ZMYM4: variants seen among roughly 807,000 people sequenced by gnomAD.
ZMYM4 encodes zinc finger MYM-type protein 4.
ZMYM4 carries 31 observed loss-of-function variants against 183.2 expected under a neutral mutation model. The observed-to-expected ratio is 0.17, with a 90% CI of 0.13 to 0.23. ZMYM4 has a LOEUF of 0.23. Among genes scored for constraint, ZMYM4 ranks in the 10% least tolerant of loss-of-function variants. The pLI, the probability that ZMYM4 is intolerant of heterozygous loss-of-function variation, is 1.00. For synonymous variants in ZMYM4, 592 were observed against 631.2 expected (o/e 0.94, Z 0.93); for missense variants, 1,273 against 1,840.3 (o/e 0.69, Z 5.64).
At chr1:35,279,812 A>G (rs1640055915) in intron 1 of ZMYM4, among the ~76,000 whole-genome samples, 1 of 152,112 alleles carries the variant, frequency 6.6e-6, no homozygotes, top group Non-Finnish European at 1.5e-5. Context: ...CCAGTCACAT[A>G]TTCTTTATTT....
At chr1:35,287,100 A>G (rs1640540023) in intron 1 of ZMYM4, among the ~76,000 whole-genome samples, 1 of 151,242 alleles carries the variant, frequency 6.6e-6, no homozygotes, top group African/African-American at 2.4e-5. Flanking sequence ...TCCTTGTTTT[A>G]TGAGATGGCA....
At position 35,387,294 on chromosome 1, in the gene ZMYM4, T is replaced by C; in HGVS notation, c.2112+16T>C. 2 of 1,609,166 alleles carry C rather than the reference T, an allele frequency of 1.2e-6. No individual in the cohort carries two copies. The highest frequency in any genetic ancestry group is 1.7e-6 in the Non-Finnish European group (2 of 1,175,932). ...TGACTATAAGGTAAAGTATAGCATGTTCATGATAAGATTTTGAGTATACGT... is the reference window on the plus strand; with the variant it reads ...TGACTATAAGGTAAAGTATAGCATGCTCATGATAAGATTTTGAGTATACGT... On this transcript the variant is annotated intron_variant, in intron 12 of 29. Transcript: ENST00000314607.
chr1:35,311,397 C>T (rs1428776344), intron 1 of ZMYM4, among the ~76,000 whole-genome samples: 1 of 147,324 alleles, frequency 6.8e-6, no homozygotes, highest in Non-Finnish European at 1.5e-5. Flanking sequence ...ACTCCAGCCT[C>T]GGCAACAAGA....
At chr1:35,294,502 A>G (rs535018710) in intron 1 of ZMYM4, among the ~76,000 whole-genome samples, 4 of 152,306 alleles carry the variant, frequency 2.6e-5, no homozygotes, top group Admixed American at 6.5e-5. Context: ...GTAGGGGAAT[A>G]TAGAACCTTG....
intron 28 of ZMYM4, among the ~76,000 whole-genome samples, chr1:35,417,510 T>C (rs1376846837): frequency 6.6e-6 from 1 of 152,208 alleles, no homozygotes; most frequent in African/African-American, 2.4e-5. Context: ...AGATGCCCAG[T>C]ACTAGTGCCC....
intron 7 of ZMYM4, among the ~76,000 whole-genome samples, chr1:35,371,757 G>A (rs960164712): frequency 2.6e-5 from 4 of 152,170 alleles, no homozygotes; most frequent in Non-Finnish European, 5.9e-5. Context: ...GATAAGAGAT[G>A]TTTAAAAGAA....
chr1:35,394,162 C>CTT (rs34277367), intron 18 of ZMYM4, among the ~76,000 whole-genome samples: 1,863 of 68,488 alleles, frequency 0.027, 222 homozygotes, highest in Non-Finnish European at 0.04. Context: ...TCAGAGCTTT[C>CTT]TTTTTTTTTT....
chr1:35,336,666 A>G (rs938218770), intron 2 of ZMYM4, among the ~76,000 whole-genome samples: 3 of 152,054 alleles, frequency 2.0e-5, no homozygotes, highest in African/African-American at 7.2e-5. Context: ...CAGCCCTCCA[A>G]AATGCTGGGA....
intron 1 of ZMYM4, among the ~76,000 whole-genome samples, chr1:35,307,168 T>G (rs530448820): frequency 8.5e-5 from 13 of 152,214 alleles, no homozygotes; most frequent in Non-Finnish European, 1.6e-4. Context: ...TCTTTAAAAT[T>G]ACTTTCATCT....
Position 35,341,522 on chromosome 1 carries a change from A to G in ZMYM4, c.85+16117A>G, listed in dbSNP as rs567767265. 6.5e-4 allele frequency among the ~76,000 whole-genome samples: 98 copies of G among 151,806 alleles called. 1 individual carries two copies. The highest frequency in any genetic ancestry group is 1.3e-3 in the Non-Finnish European group (86 of 67,904). ...AAATGTAAAAATTTTTATTTTTTAT[A>G]TTGAAAAACTTTTTTCATTTCTAGA... On this transcript the variant is annotated intron_variant, in intron 2 of 29. Coordinates refer to ENST00000314607, the MANE Select transcript of ZMYM4 (RefSeq NM_005095.3).
At chr1:35,382,636 G>A (rs1431889155) in intron 9 of ZMYM4, among the ~76,000 whole-genome samples, 2 of 151,772 alleles carry the variant, frequency 1.3e-5, no homozygotes, top group African/African-American at 4.8e-5. Context: ...TTAGAGATGG[G>A]ATTTCACTAT....
intron 1 of ZMYM4, among the ~76,000 whole-genome samples, chr1:35,321,235 G>A (rs1262285557): frequency 6.6e-6 from 1 of 152,182 alleles, no homozygotes; most frequent in Admixed American, 6.5e-5. Flanking sequence ...CTAGGAAAGA[G>A]CTGTGAATTC....
intron 26 of ZMYM4, among the ~76,000 whole-genome samples, chr1:35,411,291 T>C (rs920374824): frequency 3.3e-5 from 5 of 151,212 alleles, no homozygotes; most frequent in African/African-American, 1.2e-4. Flanking sequence ...GTAGCTGGGA[T>C]TACAGGCGCC....
chr1:35,351,609 CCAAA>C, intron 2 of ZMYM4: 4 of 668,700 alleles, frequency 6.0e-6, no homozygotes, highest in South Asian at 3.8e-5. Flanking sequence ...GAGAGCTAAA[CCAAA>C]CAATTTTCTA....
intron 7 of ZMYM4, among the ~76,000 whole-genome samples, chr1:35,375,144 CT>C (rs1401173027): frequency 2.0e-5 from 3 of 152,012 alleles, no homozygotes; most frequent in African/African-American, 7.3e-5. Context: ...TCTTCATCTT[CT>C]TTCTTACTTT....
chr1:35,275,852 A>G (rs770151185), intron 1 of ZMYM4, among the ~76,000 whole-genome samples: 23 of 152,188 alleles, frequency 1.5e-4, no homozygotes, highest in Non-Finnish European at 2.8e-4. Context: ...AAGTCAGTTT[A>G]TGGTATAATC....
chr1:35,298,783 G>T (rs988872555), intron 1 of ZMYM4, among the ~76,000 whole-genome samples: 9 of 152,166 alleles, frequency 5.9e-5, no homozygotes, highest in Non-Finnish European at 4.4e-5. Context: ...GTTTTGCAGG[G>T]TCCATCTCCA....
chr1:35,389,711 C>T lies in ZMYM4; in HGVS notation c.2437-237C>T, dbSNP rs931917028. 2.1e-4 allele frequency among the ~76,000 whole-genome samples: 32 copies of T among 150,098 alleles called. No homozygotes were observed. Among genetic ancestry groups the T allele is most frequent in the Admixed American group, 8.0e-4 (12 of 15,082 alleles). ...TGGAGCTTGCAGTGAGCTGAGATCA[C>T]GCCACTGCACTCCAGCCTGGGCGAT... On this transcript the variant is annotated intron_variant, in intron 14 of 29. Transcript: ENST00000314607. The surrounding 1 kb of genome is among the most constrained non-coding windows in gnomAD (Gnocchi z 4.0).
At chr1:35,398,003 TAC>T (rs1644839306) in intron 20 of ZMYM4, among the ~76,000 whole-genome samples, 1 of 152,238 alleles carries the variant, frequency 6.6e-6, no homozygotes, top group Admixed American at 6.5e-5. Flanking sequence ...GTGCTTGCCA[TAC>T]TCTAGGCATT....
Sources: allele counts gnomAD v4.1 joint callset (sites outside exome capture counted in the v4.1 genomes callset), GRCh38; gene constraint gnomAD v4.1.1; non-coding constraint Gnocchi (gnomAD v3.1); transcripts MANE v1.5; gene names NCBI Gene and HGNC (gene_info 2026-07-23, HGNC 2026-07-21).